Variants in LYRM4 observed in about 807,000 individuals in gnomAD.
LYRM4 encodes the protein LYR motif-containing protein 4.
LYRM4 carries 9 observed loss-of-function variants against 11.7 expected under a neutral mutation model. The ratio of observed to expected loss-of-function variants is 0.77; its 90% confidence interval spans 0.46 to 1.34. The LOEUF (loss-of-function observed/expected upper bound fraction) is 1.34, where lower values mean the gene tolerates loss of function less well. Ranked by LOEUF, LYRM4 falls within the 40% of genes most tolerant of loss-of-function variation. The pLI, the probability that LYRM4 is intolerant of heterozygous loss-of-function variation, is 0.00. For synonymous variants in LYRM4, 42 were observed against 40.4 expected, an observed-to-expected ratio of 1.04 and a Z score of -0.15; for missense variants, 133 against 112.5, an observed-to-expected ratio of 1.18 and a Z score of -0.82.
chr6:5,203,004 T>C (rs1051353591), intron 2 of LYRM4, among the ~76,000 whole-genome samples: 2 of 152,260 alleles, frequency 1.3e-5, no homozygotes, highest in African/African-American at 4.8e-5. Flanking sequence ...ACAACACTAA[T>C]AAACCAAAAA....
At chr6:5,145,679 C>T (rs1248527404) in intron 2 of LYRM4, among the ~76,000 whole-genome samples, 3 of 152,180 alleles carry the variant, frequency 2.0e-5, no homozygotes, top group Non-Finnish European at 4.4e-5. Context: ...ATTTTCGATC[C>T]TCATGCCTAT....
chr6:5,119,794 C>CAAAAAAAAAA (rs968606439), intron 2 of LYRM4, among the ~76,000 whole-genome samples: 4 of 16,872 alleles, frequency 2.4e-4, no homozygotes, highest in African/African-American at 3.7e-4. Context: ...GTCTCCATAA[C>CAAAAAAAAAA]AAAAAAAAAA....
At chr6:5,067,202 T>C in the LYRM4 span, among the ~76,000 whole-genome samples, 22 of 152,244 alleles carry the variant, frequency 1.4e-4, no homozygotes, top group African/African-American at 5.1e-4. Flanking sequence ...CCTAAGCATT[T>C]ATAGATATTT....
chr6:5,099,205 A>AT (rs1295735859), downstream of LYRM4, among the ~76,000 whole-genome samples: 1 of 90,716 alleles, frequency 1.1e-5, no homozygotes, highest in East Asian at 5.0e-4. The surrounding 1 kb of genome is among the most constrained non-coding windows in gnomAD (Gnocchi z 4.3). Flanking sequence ...ATACTTATAT[A>AT]ATTTTTTTTT....
rs143607021 is a variant in LYRM4, at chr6:5,126,049, A to G, written c.208-16558T>C. Reference sequence around the variant, plus strand: ...ACATGGTTTATTTCTGAATTAGAGTAATACGTTCCTGTCACTTACCTTTGG... The same window carrying G: ...ACATGGTTTATTTCTGAATTAGAGTGATACGTTCCTGTCACTTACCTTTGG... On this transcript the variant is annotated intron_variant, in intron 2 of 2. Coordinates refer to ENST00000330636, the MANE Select transcript of LYRM4 (RefSeq NM_020408.6). Among the ~76,000 whole-genome samples the G allele has an allele frequency of 1.3e-3, 196 of 152,360 alleles. 1 individual carries two copies. Among genetic ancestry groups the G allele is most frequent in the South Asian group, 6.0e-3 (29 of 4,830 alleles).
the LYRM4 span, among the ~76,000 whole-genome samples, chr6:5,078,642 C>T: frequency 6.6e-6 from 1 of 152,150 alleles, no homozygotes; most frequent in African/African-American, 2.4e-5. Context: ...TTAGAAGGCA[C>T]ACATATGAGA....
At chr6:5,154,385 A>G (rs1758263817) in intron 2 of LYRM4, among the ~76,000 whole-genome samples, 2 of 152,174 alleles carry the variant, frequency 1.3e-5, no homozygotes, top group South Asian at 4.1e-4. Flanking sequence ...TCCAGCTCCC[A>G]AGCCCCAGGG....
At chr6:5,119,450 C>G (rs1763303271) in intron 2 of LYRM4, among the ~76,000 whole-genome samples, 1 of 152,082 alleles carries the variant, frequency 6.6e-6, no homozygotes, top group Admixed American at 6.6e-5. Context: ...CCACTTTTGT[C>G]AGCATGCTGC....
chr6:5,144,141 C>T (rs761627372), intron 2 of LYRM4: 4 of 1,536,524 alleles, frequency 2.6e-6, no homozygotes, highest in Non-Finnish European at 3.5e-6. Context: ...TGCTCACCAG[C>T]TCTGTGAGGA....
At chr6:5,140,580 A>C (rs1324765869) in intron 2 of LYRM4, among the ~76,000 whole-genome samples, 1 of 152,210 alleles carries the variant, frequency 6.6e-6, no homozygotes. Context: ...ACAGGTATGC[A>C]CAGTGTGTGG....
chr6:5,047,609 C>T, the LYRM4 span, among the ~76,000 whole-genome samples: 7 of 152,268 alleles, frequency 4.6e-5, no homozygotes, highest in East Asian at 1.3e-3. Flanking sequence ...TACAGCTGAA[C>T]ACCATATCTT....
intron 1 of LYRM4, among the ~76,000 whole-genome samples, chr6:5,253,607 G>A (rs1764533363): frequency 6.6e-6 from 1 of 152,122 alleles, no homozygotes; most frequent in Admixed American, 6.5e-5. Context: ...CAGTGCTGTG[G>A]TGGTTCAAGA....
chr6:5,043,049 C>G, the LYRM4 span: 1 of 152,186 alleles, frequency 6.6e-6, no homozygotes, highest in Admixed American at 6.5e-5. Context: ...ACTGTATGCT[C>G]CAGCTTTCCA....
chr6:5,210,469 A>C (rs1761935295), intron 2 of LYRM4, among the ~76,000 whole-genome samples: 1 of 152,120 alleles, frequency 6.6e-6, no homozygotes, highest in African/African-American at 2.4e-5. Context: ...AAAAAAAAAA[A>C]CCAATGACTG....
chr6:5,127,563 G>C (rs1763753173), intron 2 of LYRM4, among the ~76,000 whole-genome samples: 1 of 152,168 alleles, frequency 6.6e-6, no homozygotes, highest in Non-Finnish European at 1.5e-5. Flanking sequence ...GGTCCAAACA[G>C]AGATGTTCTA....
intron 1 of LYRM4, among the ~76,000 whole-genome samples, chr6:5,244,209 AT>A (rs770055171): frequency 1.3e-4 from 20 of 152,244 alleles, no homozygotes; most frequent in South Asian, 4.1e-4. Context: ...ATACTTTATT[AT>A]AAAATAGGAT....
intron 2 of LYRM4, among the ~76,000 whole-genome samples, chr6:5,154,922 G>C (rs1053678229): frequency 6.6e-6 from 1 of 152,208 alleles, no homozygotes; most frequent in South Asian, 2.1e-4. Flanking sequence ...TCAGGGTTCA[G>C]GTCTCCTCAC....
intron 2 of LYRM4, among the ~76,000 whole-genome samples, chr6:5,153,249 G>A (rs1425657402): frequency 1.3e-5 from 2 of 152,010 alleles, no homozygotes; most frequent in Admixed American, 6.6e-5. Context: ...GCACCAACAC[G>A]CCTGGCTAAT....
At chr6:5,181,204 G>C (rs1018566143) in intron 2 of LYRM4, among the ~76,000 whole-genome samples, 7 of 152,202 alleles carry the variant, frequency 4.6e-5, no homozygotes, top group Non-Finnish European at 8.8e-5. Flanking sequence ...AAAGAGGAAT[G>C]ACAAGGTGGG....
Sources: allele counts gnomAD v4.1 joint callset (sites outside exome capture counted in the v4.1 genomes callset), GRCh38; gene constraint gnomAD v4.1.1; non-coding constraint Gnocchi (gnomAD v3.1); transcripts MANE v1.5; gene names NCBI Gene and HGNC (gene_info 2026-07-23, HGNC 2026-07-21).